WDR7: variants seen among roughly 807,000 people sequenced by gnomAD.
WDR7 encodes the protein WD repeat domain 7, also known as WD repeat-containing protein 7.
WDR7 carries 46 observed loss-of-function variants against 169.4 expected under a neutral mutation model. The ratio of observed to expected loss-of-function variants is 0.27; its 90% CI spans 0.21 to 0.35. The LOEUF (loss-of-function observed/expected upper bound fraction) is 0.35, where lower values mean the gene tolerates loss of function less well. Among genes scored for constraint, WDR7 ranks in the 10% least tolerant of loss-of-function variants. The pLI is 1.00. For missense variants in WDR7, 1,534 were observed against 1,859.3 expected (o/e 0.83, Z 3.22); for synonymous variants, 612 against 666.8 (o/e 0.92, Z 1.27).
chr18:56,694,282 A>C (rs1349696385), intron 9 of WDR7, among the ~76,000 whole-genome samples: 1 of 152,160 alleles, frequency 6.6e-6, no homozygotes, highest in African/African-American at 2.4e-5. Context: ...CTATGTGTTA[A>C]TTATTTAATA....
At chr18:56,993,249 T>C (rs968621948) in intron 26 of WDR7, among the ~76,000 whole-genome samples, 6 of 152,234 alleles carry the variant, frequency 3.9e-5, no homozygotes, top group Non-Finnish European at 8.8e-5. Context: ...GAAATTCTTA[T>C]AGCAAGAATT....
chr18:56,781,717 C>T, intron 19 of WDR7, 61 bp downstream of exon 19: 1 of 1,419,304 alleles, frequency 7.0e-7, no homozygotes, highest in Non-Finnish European at 9.3e-7. Context: ...GGTACCTGTA[C>T]TCACAAATAT....
At chr18:56,710,725 C>T (rs7243516) in intron 12 of WDR7, among the ~76,000 whole-genome samples, 5,631 of 152,296 alleles carry the variant, frequency 0.037, 305 homozygotes, top group African/African-American at 0.12. Context: ...TCAGCGCCCA[C>T]TTCATTGCCG....
intron 14 of WDR7, among the ~76,000 whole-genome samples, chr18:56,754,552 G>C (rs1389380073): frequency 6.6e-6 from 1 of 152,032 alleles, no homozygotes; most frequent in Non-Finnish European, 1.5e-5. Context: ...GTGCACGCGT[G>C]TGCGTGTACG....
intron 1 of WDR7, among the ~76,000 whole-genome samples, chr18:56,666,797 G>C (rs520835): frequency 0.92 from 139,401 of 151,932 alleles, 65,122 homozygotes; most frequent in East Asian, 1. Flanking sequence ...GTGTGATCTT[G>C]AGAGAGTTGC....
chr18:56,815,882 A>G, intron 19 of WDR7, 149 bp from the exon 20 acceptor site: 1 of 621,686 alleles, frequency 1.6e-6, no homozygotes, highest in Non-Finnish European at 2.7e-6. Flanking sequence ...TGTTTTATTC[A>G]TTGATTTGTG....
At chr18:56,923,032 A>C (rs2145640446) in intron 21 of WDR7, among the ~76,000 whole-genome samples, 1 of 152,256 alleles carries the variant, frequency 6.6e-6, no homozygotes, top group East Asian at 1.9e-4. Context: ...CCTGTCTTAA[A>C]CCTGAAGCAT....
At chr18:56,942,018 G>A (rs2047041421) in intron 25 of WDR7, among the ~76,000 whole-genome samples, 1 of 152,150 alleles carries the variant, frequency 6.6e-6, no homozygotes, top group Admixed American at 6.5e-5. Context: ...TCACTGGTAG[G>A]TGGAGTTCTT....
intron 19 of WDR7, chr18:56,782,106 A>G (rs73958318): frequency 0.049 from 7,412 of 152,562 alleles, 608 homozygotes; most frequent in African/African-American, 0.17. Flanking sequence ...CAATATTTAC[A>G]AAGAGAAAAT....
chr18:56,906,089 G>A (rs2046472600), intron 21 of WDR7, among the ~76,000 whole-genome samples: 1 of 152,144 alleles, frequency 6.6e-6, no homozygotes, highest in Non-Finnish European at 1.5e-5. Context: ...TAATATCACC[G>A]TAAGAGAGAG....
intron 22 of WDR7, among the ~76,000 whole-genome samples, chr18:56,934,948 A>T (rs1246204901): frequency 6.6e-6 from 1 of 152,196 alleles, no homozygotes; most frequent in East Asian, 1.9e-4. Context: ...CATTTTAGTA[A>T]AAGTCTTGAT....
At chr18:57,034,994 C>G in the WDR7 span, 1 of 152,178 alleles carries the variant, frequency 6.6e-6, no homozygotes, top group Non-Finnish European at 1.5e-5. Flanking sequence ...GGTTGATGCA[C>G]TTGAACAATC....
chr18:56,991,337 G>A (rs898016602), intron 26 of WDR7, among the ~76,000 whole-genome samples: 6 of 150,538 alleles, frequency 4.0e-5, no homozygotes, highest in South Asian at 2.1e-4. Flanking sequence ...TGGTAGAGAC[G>A]GGTTTCACCG....
At chr18:56,737,059 G>C (rs2026715904) in intron 14 of WDR7, among the ~76,000 whole-genome samples, 1 of 152,160 alleles carries the variant, frequency 6.6e-6, no homozygotes, top group South Asian at 2.1e-4. Flanking sequence ...TTAAAAGGAA[G>C]GAAGAGATGC....
intron 14 of WDR7, among the ~76,000 whole-genome samples, chr18:56,750,996 C>A (rs2043782150): frequency 6.6e-6 from 1 of 152,138 alleles, no homozygotes; most frequent in Non-Finnish European, 1.5e-5. Context: ...GGAGGTTACT[C>A]ATTTTCTCTC....
In WDR7 at chr18:56,863,825, G is replaced by A. The variant is rs17090393; in HGVS notation, c.3305-16119G>A. Among the ~76,000 whole-genome samples, 1,435 of 151,756 alleles carry A rather than the reference G, an allele frequency of 9.5e-3. 23 individuals carry two copies. Among genetic ancestry groups the A allele is most frequent in the African/African-American group, 0.033 (1,352 of 41,488 alleles). On this transcript the variant is annotated intron_variant, in intron 20 of 27. Transcript: ENST00000254442. ...ACTGGTACTTTGTTTTTAGTTAGCTGTTTGATCAGTTCTGTGTACCTATTG... is the reference window on the plus strand; with the variant it reads ...ACTGGTACTTTGTTTTTAGTTAGCTATTTGATCAGTTCTGTGTACCTATTG...
intron 20 of WDR7, among the ~76,000 whole-genome samples, chr18:56,828,316 T>C (rs1271668876): frequency 6.6e-6 from 1 of 152,202 alleles, no homozygotes; most frequent in Non-Finnish European, 1.5e-5. Context: ...TGAAGGTGAA[T>C]TATTTGACGA....
At chr18:56,907,485 A>C (rs2046495141) in intron 21 of WDR7, among the ~76,000 whole-genome samples, 1 of 151,448 alleles carries the variant, frequency 6.6e-6, no homozygotes, top group Non-Finnish European at 1.5e-5. Context: ...AACCATAATA[A>C]CCTCTTTGAG....
intron 26 of WDR7, among the ~76,000 whole-genome samples, chr18:56,995,592 G>A (rs1303813724): frequency 2.0e-5 from 3 of 152,014 alleles, no homozygotes; most frequent in Non-Finnish European, 4.4e-5. Flanking sequence ...AACTAAATTC[G>A]TAGATTTGCT....
Sources: allele counts gnomAD v4.1 joint callset (sites outside exome capture counted in the v4.1 genomes callset), GRCh38; gene constraint gnomAD v4.1.1; transcripts MANE v1.5; gene names NCBI Gene and HGNC (gene_info 2026-07-23, HGNC 2026-07-21).